The following SEMA6B variants were observed in gnomAD, a reference collection of about 807,000 sequenced individuals.
The protein encoded by SEMA6B is semaphorin 6B.
Under a neutral mutation model 78.6 loss-of-function variants are expected in SEMA6B, and 47 were observed. That is an observed-to-expected ratio of 0.60 (90% CI 0.47 to 0.76). The LOEUF (loss-of-function observed/expected upper bound fraction) is 0.76. Ranked by LOEUF, SEMA6B falls within the 30% of genes least tolerant of loss-of-function variation. The pLI is 0.00. For missense variants in SEMA6B, 1,213 were observed against 1,269.9 expected, an observed-to-expected ratio of 0.96 and a Z score of 0.68; for synonymous variants, 632 against 592.2, an observed-to-expected ratio of 1.07 and a Z score of -0.98.
chr19:4,544,282 G>A lies in SEMA6B; in HGVS notation c.1986C>T (p.Pro662=), dbSNP rs1375980606. The A allele has an allele frequency of 2.0e-5, 28 of 1,393,748 alleles. No individual in the cohort carries two copies. Among genetic ancestry groups the A allele is most frequent in the Non-Finnish European group, 2.4e-5 (26 of 1,079,870 alleles). 86.3% of individuals were successfully genotyped at this position (1,393,748 alleles called of 1,614,324 possible). A position where few individuals can be genotyped will look rare whatever the true frequency, so the allele number is the denominator to read the frequency against. ...CGCCACCGCCTCCGCCCCGGCCCCC[G>A]GGACCCTGCGCCCTGCGCTCGCCCA... ...SRLGERRAQG[P]GGRGGGGGGG... Residue 662 remains proline, a synonymous_variant, in exon 17 of 17, where the codon CCC becomes CCT. Coordinates refer to ENST00000586582, the MANE Select transcript of SEMA6B (RefSeq NM_032108.4). The surrounding 1 kb of genome is among the most constrained non-coding windows in gnomAD (Gnocchi z 5.1).
Position 4,556,978 on chromosome 19 carries a change from G to A in SEMA6B, c.342C>T (p.Asn114=). 6.2e-7 allele frequency: 1 copy of A among 1,613,312 alleles called. No homozygotes were observed. The highest frequency in any genetic ancestry group is 1.1e-5 in the South Asian group (1 of 91,008). Residue 114 remains asparagine, a synonymous_variant, in exon 5 of 17, where the codon AAC becomes AAT. Transcript: ENST00000586582. ...LTWRSNPSDI[N]VCRMKGKQEG... Reference sequence around the variant, plus strand: ...CCTGTTTGCCCTTCATCCGACACACGTTTATGTCGCTGGGGTTAGATCTCC... The same window carrying A: ...CCTGTTTGCCCTTCATCCGACACACATTTATGTCGCTGGGGTTAGATCTCC...
Position 4,552,729 on chromosome 19 carries a change from A to C in SEMA6B, c.772-90T>G. The C allele has an allele frequency of 7.9e-7, 1 of 1,267,636 alleles. No homozygotes were observed. Among genetic ancestry groups the C allele is most frequent in the Non-Finnish European group, 1.1e-6 (1 of 918,332 alleles). The allele number at this position is 1,267,636 out of a possible 1,614,324, so 78.5% of individuals were successfully genotyped here. A position where few individuals can be genotyped will look rare whatever the true frequency, so the allele number is the denominator to read the frequency against. ...TGTGCCACTCACCACCCAAACTGTG[A>C]TGGAGGAGTCTGACCCTGGCTCTGG... is the stretch of plus-strand genomic sequence containing the variant. On this transcript the variant is annotated intron_variant, in intron 9 of 16. Transcript: ENST00000586582. This position sits in a 1 kb window ranked among gnomAD's most constrained non-coding sequence, Gnocchi z 7.4.
rs1193220394 is a variant in SEMA6B at position 4,552,087 on chromosome 19, C to T, written c.989+335G>A. On this transcript the variant is annotated intron_variant, in intron 10 of 16. Transcript: ENST00000586582. The surrounding 1 kb of genome is among the most constrained non-coding windows in gnomAD (Gnocchi z 7.4). ...TACTGAACTCACTGAAGCCTCAGGA[C>T]CTTTGCACATGCTGTTTCTCCAACT... Among the ~76,000 whole-genome samples the T allele has an allele frequency of 6.6e-6, 1 of 152,160 alleles. No homozygotes were observed. The highest frequency in any genetic ancestry group is 1.5e-5 in the Non-Finnish European group (1 of 68,032).
At position 4,555,823 on chromosome 19, in the gene SEMA6B, C is replaced by T. The variant is rs970135270; in HGVS notation, c.471+165G>A. Among the ~76,000 whole-genome samples the T allele has an allele frequency of 8.5e-5, 13 of 152,206 alleles. No homozygotes were observed. Among genetic ancestry groups the T allele is most frequent in the Admixed American group, 6.5e-4 (10 of 15,284 alleles). On this transcript the variant is annotated intron_variant, in intron 6 of 16. Coordinates refer to ENST00000586582, the MANE Select transcript of SEMA6B (RefSeq NM_032108.4). The surrounding 1 kb of genome is among the most constrained non-coding windows in gnomAD (Gnocchi z 6.1). ...GCCCCCTGTACAGGCCTCGTTTGGA[C>T]AGCGCTGACTCCTCTTGAGCTCAGG...
In SEMA6B at chr19:4,543,325, A is replaced by T. The variant is rs1160935601; in HGVS notation, c.*276T>A. On this transcript the variant is annotated 3_prime_UTR_variant, in exon 17 of 17. Coordinates refer to ENST00000586582, the MANE Select transcript of SEMA6B (RefSeq NM_032108.4). Reference sequence around the variant, plus strand: ...CAAAAGAAACCAAAACTGCAAAAAAAACCAAAACCTACGCGCATAAGGTCA... The same window carrying T: ...CAAAAGAAACCAAAACTGCAAAAAATACCAAAACCTACGCGCATAAGGTCA... The T allele has an allele frequency of 6.5e-6, 3 of 458,854 alleles. No individual in the cohort carries two copies. The highest frequency in any genetic ancestry group is 6.0e-5 in the African/African-American group (3 of 49,974). 28.4% of individuals were successfully genotyped at this position (458,854 alleles called of 1,614,324 possible).
chr19:4,558,438 G>C lies in SEMA6B; in HGVS notation c.20C>G (p.Ser7Cys). 1.6e-6 allele frequency: 2 copies of C among 1,252,468 alleles called. No individual in the cohort carries two copies. Among genetic ancestry groups the C allele is most frequent in the Non-Finnish European group, 2.0e-6 (2 of 992,272 alleles). 77.6% of individuals were successfully genotyped at this position (1,252,468 alleles called of 1,614,324 possible). The change falls in exon 2 of 17, where the codon TCC becomes TGC. Residue 7 changes from serine (S) to cysteine (C), a missense_variant. Transcript: ENST00000586582. The surrounding 1 kb of genome is among the most constrained non-coding windows in gnomAD (Gnocchi z 5.1). ...AAGCAGCAGGGCCGGGCGGGGAGGG[G>C]ACGCTCGCGGGGTCTGCATGGCGAG... Reference protein sequence around the residue: MQTPRASPPRPALLLLL... With the variant: MQTPRACPPRPALLLLL...
rs771923704 is a variant in SEMA6B, at chr19:4,544,334, C to T, written c.1934G>A (p.Gly645Asp). The T allele has an allele frequency of 4.6e-6, 7 of 1,527,696 alleles. No homozygotes were observed. The highest frequency in any genetic ancestry group is 6.1e-6 in the Non-Finnish European group (7 of 1,142,004). The allele number at this position is 1,527,696 out of a possible 1,614,324, so 94.6% of individuals were successfully genotyped here. The change falls in exon 17 of 17, where the codon GGC becomes GAC. Residue 645 changes from glycine (G) to aspartate (D), a missense_variant. By Grantham distance (94) the Gly-to-Asp change is moderately conservative. Transcript: ENST00000586582. The surrounding 1 kb of genome is among the most constrained non-coding windows in gnomAD (Gnocchi z 5.1). ...GCGGCTGACGCTCAGCACCGCCTCG[C>T]CCGCCCCGTGCGCCAGGATGGCCTC... ...DKEAILAHGAGEAVLSVSRLG... is the reference protein window; with the variant it reads ...DKEAILAHGADEAVLSVSRLG...
Position 4,557,044 on chromosome 19 carries a change from A to C in SEMA6B, c.307-31T>G, listed in dbSNP as rs10422881. The stretch of plus-strand genomic sequence containing the variant: ...GACAGAGAGAGCTGGTGAGGGGGTA[A>C]CGGGTCCCAGCAGCCCTGAGTGACC... On this transcript the variant is annotated intron_variant, in intron 4 of 16. Coordinates refer to ENST00000586582, the MANE Select transcript of SEMA6B (RefSeq NM_032108.4). The C allele has an allele frequency of 0.75, 1,212,936 of 1,606,784 alleles. 459,259 individuals carry two copies. The highest frequency in any genetic ancestry group is 0.93 in the African/African-American group (69,320 of 74,804).
intron 3 of SEMA6B, 64 bp from the exon 4 acceptor site, chr19:4,557,287 C>T (rs17434453): frequency 0.17 from 206,155 of 1,241,582 alleles, 18,115 homozygotes; most frequent in East Asian, 0.21. Flanking sequence ...TCCATCCTTC[C>T]CACTGCCAAT....
Position 4,544,087 on chromosome 19 carries a change from GGGGTGC to G in SEMA6B, c.2175_2180del (p.Pro727_His728del). The G allele has an allele frequency of 1.6e-6, 2 of 1,254,254 alleles. No homozygotes were observed. The highest frequency in any genetic ancestry group is 1.0e-6 in the Non-Finnish European group (1 of 1,000,132). The allele number at this position is 1,254,254 out of a possible 1,614,324, so 77.7% of individuals were successfully genotyped here. A position where few individuals can be genotyped will look rare whatever the true frequency, so the allele number is the denominator to read the frequency against. On this transcript the variant is annotated inframe_deletion, in exon 17 of 17. Coordinates refer to ENST00000586582, the MANE Select transcript of SEMA6B (RefSeq NM_032108.4). The surrounding 1 kb of genome is among the most constrained non-coding windows in gnomAD (Gnocchi z 5.1). ...CCCAGGCGCGGGGGCCCAGGGCGTG[GGGGTGC>G]GGGTGCGGAGTGGGCAGGCGCTTCT...
At position 4,555,070 on chromosome 19, in the gene SEMA6B, A is replaced by G. The variant is rs373674940; in HGVS notation, c.588T>C (p.Val196=). 20 of 1,613,792 alleles carry G rather than the reference A, an allele frequency of 1.2e-5. No homozygotes were observed. The highest frequency in any genetic ancestry group is 2.7e-5 in the African/African-American group (2 of 74,920). Residue 196 remains valine, a synonymous_variant, in exon 8 of 17, where the codon GTT becomes GTC. Coordinates refer to ENST00000586582, the MANE Select transcript of SEMA6B (RefSeq NM_032108.4). This position sits in a 1 kb window ranked among gnomAD's most constrained non-coding sequence, Gnocchi z 6.1. The part of the protein sequence containing the change: ...FSDGMLFTAT[V]TDFLAIDAVI... The stretch of plus-strand genomic sequence containing the variant: ...CAGCATCAATGGCTAGGAAGTCGGT[A>G]ACAGTAGCTGTGAAGAGCATCCCGT...
chr19:4,557,977 TCG>T lies in SEMA6B; in HGVS notation c.245+47_245+48del, dbSNP rs913293119. On this transcript the variant is annotated intron_variant, in intron 3 of 16. Transcript: ENST00000586582. ...CCCTCGCCTCCTCTCTCTCTCCCCC[TCG>T]CTCATTCTGCTCGTCACACAGGCCT... is the stretch of plus-strand genomic sequence containing the variant. The T allele has an allele frequency of 3.1e-6, 4 of 1,305,188 alleles. No individual in the cohort carries two copies. The African/African-American group carries it at 6.1e-5, about 20-fold the overall frequency. The allele number at this position is 1,305,188 out of a possible 1,614,324, so 80.9% of individuals were successfully genotyped here. A position where few individuals can be genotyped will look rare whatever the true frequency, so the allele number is the denominator to read the frequency against.
Position 4,555,384 on chromosome 19 carries a change from G to A in SEMA6B, c.562+90C>T. The A allele has an allele frequency of 2.6e-6, 3 of 1,172,066 alleles. No individual in the cohort carries two copies. The highest frequency in any genetic ancestry group is 2.4e-5 in the East Asian group (1 of 41,540). The allele number at this position is 1,172,066 out of a possible 1,614,324, so 72.6% of individuals were successfully genotyped here. On this transcript the variant is annotated intron_variant, in intron 7 of 16. Transcript: ENST00000586582. This position sits in a 1 kb window ranked among gnomAD's most constrained non-coding sequence, Gnocchi z 6.1. ...AGCTGGGACAAGTGGTCGTCCAGCTGCCTTCTAAACAACCCAGACGCTGGA... is the reference window on the plus strand; with the variant it reads ...AGCTGGGACAAGTGGTCGTCCAGCTACCTTCTAAACAACCCAGACGCTGGA...
At chr19:4,548,745 G>A (rs550728462) in intron 12 of SEMA6B, among the ~76,000 whole-genome samples, 44 of 152,306 alleles carry the variant, frequency 2.9e-4, no homozygotes, top group African/African-American at 1.0e-3. Context: ...TCAGCTCATT[G>A]CAACCTCCGC....
In SEMA6B at chr19:4,543,038, T is replaced by TGGC. The variant is rs1261545883; in HGVS notation, c.*560_*562dup. On this transcript the variant is annotated 3_prime_UTR_variant, in exon 17 of 17. Transcript: ENST00000586582. ...CTCGTGGACACACACCCTGCACGCGTGGCCCACTTGACACACACGCCCACA... is the reference window on the plus strand; with the variant it reads ...CTCGTGGACACACACCCTGCACGCGTGGCGGCCCACTTGACACACACGCCCACA... 7 of 671,614 alleles carry TGGC rather than the reference T, an allele frequency of 1.0e-5. No homozygotes were observed. The Admixed American group carries it at 1.5e-4, about 14-fold the overall frequency. 41.6% of individuals were successfully genotyped at this position (671,614 alleles called of 1,614,324 possible). A position where few individuals can be genotyped will look rare whatever the true frequency, so the allele number is the denominator to read the frequency against.
Position 4,544,489 on chromosome 19 carries a change from C to A in SEMA6B, c.1779G>T (p.Leu593=). Residue 593 remains leucine, a synonymous_variant, in exon 17 of 17, where the codon CTG becomes CTT. Coordinates refer to ENST00000586582, the MANE Select transcript of SEMA6B (RefSeq NM_032108.4). The surrounding 1 kb of genome is among the most constrained non-coding windows in gnomAD (Gnocchi z 5.1). ...RASLSEDRAG[L]VSVNLLVTSS... Reference sequence around the variant, plus strand: ...ACGTTACCAGCAGGTTCACCGACACCAGCCCCGCGCGGTCCTCGGAGAGGC... The same window carrying A: ...ACGTTACCAGCAGGTTCACCGACACAAGCCCCGCGCGGTCCTCGGAGAGGC... 1 of 1,584,590 alleles carries A rather than the reference C, an allele frequency of 6.3e-7. No homozygotes were observed.
intron 16 of SEMA6B, among the ~76,000 whole-genome samples, chr19:4,545,129 G>A (rs112461361): frequency 0.02 from 2,983 of 151,598 alleles, 93 homozygotes; most frequent in African/African-American, 0.068. Flanking sequence ...GATCACCTGA[G>A]GTCAGAAGTT....
chr19:4,547,361 C>A (rs1043486150), intron 14 of SEMA6B, among the ~76,000 whole-genome samples: 1 of 152,188 alleles, frequency 6.6e-6, no homozygotes, highest in African/African-American at 2.4e-5. Flanking sequence ...CAAACTGACG[C>A]TCCAGAAAGT....
In SEMA6B at chr19:4,555,564, T is replaced by G. The variant is rs1977446437; in HGVS notation, c.472A>C (p.Ile158Leu). 6.2e-7 allele frequency: 1 copy of G among 1,612,246 alleles called. No homozygotes were observed. The highest frequency in any genetic ancestry group is 1.3e-5 in the African/African-American group (1 of 74,824). The change falls in exon 7 of 17, where the codon ATA (isoleucine) becomes CTA (leucine). Residue 158 changes from isoleucine (I) to leucine (L), a missense_variant and splice_region_variant. By Grantham distance (5) the Ile-to-Leu change is conservative (BLOSUM62 2). Transcript: ENST00000586582. This position sits in a 1 kb window ranked among gnomAD's most constrained non-coding sequence, Gnocchi z 6.1. Reference protein sequence around the residue: ...AFNPVCANYSIDTLQPVGDNI... With the variant: ...AFNPVCANYSLDTLQPVGDNI... ...TCTCCGACGGGCTGCAGGGTGTCTA[T>G]CTGCAGGGACCATGGGGCCTGAGTG...
Sources: allele counts gnomAD v4.1 joint callset (sites outside exome capture counted in the v4.1 genomes callset), GRCh38; gene constraint gnomAD v4.1.1; non-coding constraint Gnocchi (gnomAD v3.1); transcripts MANE v1.5; gene names NCBI Gene and HGNC (gene_info 2026-07-23, HGNC 2026-07-21).